KLF12: variants seen among roughly 807,000 people sequenced by gnomAD.
KLF12 encodes Krueppel-like factor 12.
KLF12 carries 9 observed loss-of-function variants against 37.8 expected under a neutral mutation model. The observed-to-expected ratio is 0.24, with a 90% CI of 0.14 to 0.42. The LOEUF (loss-of-function observed/expected upper bound fraction) is 0.42. Ranked by LOEUF, KLF12 falls within the 10% of genes least tolerant of loss-of-function variation. The pLI, the probability that KLF12 is intolerant of heterozygous loss-of-function variation, is 1.00. For synonymous variants in KLF12, 208 were observed against 202.1 expected, an observed-to-expected ratio of 1.03 and a Z score of -0.25; for missense variants, 411 against 516.0, an observed-to-expected ratio of 0.80 and a Z score of 1.97.
rs1875197909 is a variant in KLF12, at chr13:74,085,237, CATGAACATATGCAAAAACGGGGAT to C, written c.-32+48478_-32+48501del. On this transcript the variant is annotated intron_variant, in intron 1 of 7. Coordinates refer to ENST00000377669, the MANE Select transcript of KLF12 (RefSeq NM_007249.5). ...GACCTTTAGATATTGGCTGTGTTTT[CATGAACATATGCAAAAACGGGGAT>C]ACCTCATCACCTGCCCCAAGGGTCA... Among the ~76,000 whole-genome samples the C allele has an allele frequency of 2.0e-5, 3 of 152,150 alleles. No homozygotes were observed. In the South Asian group the frequency reaches 6.2e-4, roughly 32 times the overall value.
At chr13:73,745,956 C>T (rs78254379) in intron 6 of KLF12, among the ~76,000 whole-genome samples, 1,815 of 152,082 alleles carry the variant, frequency 0.012, 20 homozygotes, top group South Asian at 0.024. Flanking sequence ...TCGGGCAAAA[C>T]GCTGTCAGAT....
At chr13:73,802,829 C>T (rs1882350626) in intron 5 of KLF12, among the ~76,000 whole-genome samples, 1 of 152,110 alleles carries the variant, frequency 6.6e-6, no homozygotes, top group Non-Finnish European at 1.5e-5. Flanking sequence ...CATAATATTC[C>T]ATGGGATATA....
At chr13:74,297,489 A>G in the KLF12 span, among the ~76,000 whole-genome samples, 1 of 152,188 alleles carries the variant, frequency 6.6e-6, no homozygotes, top group Admixed American at 6.6e-5. Flanking sequence ...AATCTGCAAA[A>G]TAGGAAGCAC....
intron 5 of KLF12, among the ~76,000 whole-genome samples, chr13:73,778,822 A>C (rs4885119): frequency 0.15 from 22,560 of 152,088 alleles, 2,022 homozygotes; most frequent in East Asian, 0.28. Flanking sequence ...CTGAGGGACT[A>C]CCATGCCACA....
intron 5 of KLF12, among the ~76,000 whole-genome samples, chr13:73,784,412 T>A (rs1341857345): frequency 6.6e-6 from 1 of 152,116 alleles, no homozygotes; most frequent in Non-Finnish European, 1.5e-5. Flanking sequence ...CTCTCCAGAC[T>A]TGTATTTTTG....
At chr13:74,150,072 T>C in the KLF12 span, among the ~76,000 whole-genome samples, 1 of 152,234 alleles carries the variant, frequency 6.6e-6, no homozygotes, top group Non-Finnish European at 1.5e-5. Context: ...AAACATAGTT[T>C]GCTTGCTTTT....
At chr13:74,221,233 C>G in the KLF12 span, among the ~76,000 whole-genome samples, 1 of 152,170 alleles carries the variant, frequency 6.6e-6, no homozygotes, top group South Asian at 2.1e-4. Context: ...GTCTCGATCT[C>G]CTGACCTCGT....
chr13:74,239,913 T>A, the KLF12 span, among the ~76,000 whole-genome samples: 1 of 151,680 alleles, frequency 6.6e-6, no homozygotes, highest in South Asian at 2.1e-4. Context: ...CCAGTCTGTG[T>A]CTTTTAATTG....
At chr13:73,701,813 C>T (rs1224365715) in intron 7 of KLF12, among the ~76,000 whole-genome samples, 1 of 151,962 alleles carries the variant, frequency 6.6e-6, no homozygotes, top group Non-Finnish European at 1.5e-5. Context: ...CATGATAAAT[C>T]CTTAGGCCAC....
the KLF12 span, among the ~76,000 whole-genome samples, chr13:74,295,691 A>C: frequency 3.9e-5 from 6 of 152,328 alleles, no homozygotes; most frequent in Non-Finnish European, 7.4e-5. Flanking sequence ...TAATTTAAAG[A>C]AATGGATGCT....
chr13:74,096,276 G>A (rs772316213), intron 1 of KLF12, among the ~76,000 whole-genome samples: 13 of 152,140 alleles, frequency 8.5e-5, no homozygotes, highest in African/African-American at 2.2e-4. Context: ...AAGCTTCATC[G>A]TAAATTATCT....
rs113750490 is a variant in KLF12, at chr13:73,781,713, A to T, written c.807-16713T>A. On this transcript the variant is annotated intron_variant, in intron 5 of 7. Coordinates refer to ENST00000377669, the MANE Select transcript of KLF12 (RefSeq NM_007249.5). ...CAAGTGTCTTGACAGAGTTCCTGAG[A>T]TAGTTGCAGAAATAAGAATAAACCT... 6.8e-3 allele frequency among the ~76,000 whole-genome samples: 1,043 copies of T among 152,326 alleles called. 9 individuals are homozygous for T. The highest frequency in any genetic ancestry group is 0.023 in the African/African-American group (965 of 41,566).
chr13:74,042,025 TG>T (rs1893418116), intron 1 of KLF12, among the ~76,000 whole-genome samples: 1 of 152,130 alleles, frequency 6.6e-6, no homozygotes, highest in Non-Finnish European at 1.5e-5. Context: ...GGTTATCGGC[TG>T]GGTGTAGTGG....
intron 3 of KLF12, among the ~76,000 whole-genome samples, chr13:73,866,552 C>T (rs1886186464): frequency 6.6e-6 from 1 of 151,918 alleles, no homozygotes; most frequent in South Asian, 2.1e-4. Context: ...CAGAAGACAA[C>T]AGGATAGGTT....
chr13:74,096,420 G>A (rs932585242), intron 1 of KLF12, among the ~76,000 whole-genome samples: 3 of 152,088 alleles, frequency 2.0e-5, no homozygotes, highest in Non-Finnish European at 1.5e-5. Context: ...CAAAGACAGG[G>A]ACCAAAGATT....
chr13:74,029,135 CAAT>C (rs1470934549), intron 1 of KLF12, among the ~76,000 whole-genome samples: 1 of 152,008 alleles, frequency 6.6e-6, no homozygotes, highest in Non-Finnish European at 1.5e-5. Context: ...GATATCTAAT[CAAT>C]AATAAACAGT....
intron 3 of KLF12, among the ~76,000 whole-genome samples, chr13:73,891,938 C>T (rs1284272174): frequency 1.3e-5 from 2 of 152,098 alleles, no homozygotes; most frequent in Non-Finnish European, 2.9e-5. Context: ...AAGTAATAAT[C>T]TCCCAAGAGG....
intron 1 of KLF12, among the ~76,000 whole-genome samples, chr13:74,041,691 T>TACACACACACACACAC (rs59315484): frequency 2.1e-5 from 3 of 142,270 alleles, no homozygotes; most frequent in African/African-American, 5.2e-5. Context: ...ATCGCTGATT[T>TACACACACACACACAC]ACACACACAC....
chr13:73,932,036 AAAG>A (rs1889710352), intron 3 of KLF12, among the ~76,000 whole-genome samples: 2 of 147,094 alleles, frequency 1.4e-5, no homozygotes, highest in South Asian at 4.1e-4. Flanking sequence ...TTAAAAAAAA[AAAG>A]AAAAGAAATT....
Sources: allele counts gnomAD v4.1 joint callset (sites outside exome capture counted in the v4.1 genomes callset), GRCh38; gene constraint gnomAD v4.1.1; transcripts MANE v1.5; gene names NCBI Gene and HGNC (gene_info 2026-07-23, HGNC 2026-07-21).